The following PHIP variants were observed in gnomAD, a reference collection of about 807,000 sequenced individuals.
PHIP encodes the protein PH-interacting protein.
PHIP carries 54 observed loss-of-function variants against 236.8 expected under a neutral mutation model. That is an observed-to-expected ratio of 0.23 (90% CI 0.18 to 0.29). PHIP has a LOEUF of 0.29. PHIP is among the 10% of genes least tolerant of loss of function. PHIP has a pLI of 1.00. For missense variants in PHIP, 1,370 were observed against 2,190.8 expected, an observed-to-expected ratio of 0.63 and a Z score of 7.48; for synonymous variants, 756 against 718.9, an observed-to-expected ratio of 1.05 and a Z score of -0.83.
At chr6:79,043,428 C>A (rs1772323210) in intron 6 of PHIP, among the ~76,000 whole-genome samples, 1 of 152,106 alleles carries the variant, frequency 6.6e-6, no homozygotes, top group Admixed American at 6.6e-5. Context: ...ATCAGTAACA[C>A]TTGAACACTC....
At chr6:79,072,714 T>C (rs1284524809) in intron 4 of PHIP, among the ~76,000 whole-genome samples, 1 of 152,056 alleles carries the variant, frequency 6.6e-6, no homozygotes, top group African/African-American at 2.4e-5. Context: ...CTCCAACTCA[T>C]GGCCTCCCAA....
At chr6:79,004,831 G>A (rs1770196598) in intron 15 of PHIP, among the ~76,000 whole-genome samples, 1 of 151,942 alleles carries the variant, frequency 6.6e-6, no homozygotes, top group Non-Finnish European at 1.5e-5. Context: ...TTAAAAATGT[G>A]GCATAAGGAT....
chr6:78,991,268 T>G (rs1268471021), intron 19 of PHIP, among the ~76,000 whole-genome samples: 11 of 152,052 alleles, frequency 7.2e-5, no homozygotes, highest in Admixed American at 7.2e-4. Context: ...GGGAATGTGG[T>G]GATTCCTAGG....
At chr6:78,997,158 A>G (rs1769677135) in intron 19 of PHIP, among the ~76,000 whole-genome samples, 1 of 151,726 alleles carries the variant, frequency 6.6e-6, no homozygotes, top group Non-Finnish European at 1.5e-5. Context: ...ACTCAATAAA[A>G]CCTCCTATTT....
At chr6:79,000,895 C>CA (rs894296206) in intron 17 of PHIP, among the ~76,000 whole-genome samples, 2 of 152,216 alleles carry the variant, frequency 1.3e-5, no homozygotes, top group African/African-American at 4.8e-5. Context: ...TCTCACCCTC[C>CA]ATTCTAAGTG....
intron 6 of PHIP, among the ~76,000 whole-genome samples, chr6:79,055,960 C>G (rs1391528020): frequency 6.6e-6 from 1 of 152,180 alleles, no homozygotes; most frequent in Non-Finnish European, 1.5e-5. Flanking sequence ...TACCAACCTT[C>G]ATTCCATTTT....
chr6:78,950,421 G>T (rs1379140775), intron 35 of PHIP, among the ~76,000 whole-genome samples: 1 of 152,172 alleles, frequency 6.6e-6, no homozygotes, highest in South Asian at 2.1e-4. Context: ...TGTAGAATTT[G>T]TGTTAATTCT....
chr6:78,945,214 A>G, intron 39 of PHIP, 86 bp downstream of exon 39: 1 of 1,011,600 alleles, frequency 9.9e-7, no homozygotes, highest in East Asian at 2.4e-5. Context: ...GGCAACCTGA[A>G]AAGTGGATAT....
chr6:79,007,797 A>T (rs894145291), intron 15 of PHIP, among the ~76,000 whole-genome samples: 1 of 152,026 alleles, frequency 6.6e-6, no homozygotes, highest in African/African-American at 2.4e-5. Context: ...TATACCAAGA[A>T]TGAAAAGAGG....
intron 9 of PHIP, 130 bp downstream of exon 9, chr6:79,025,389 A>G: frequency 1.7e-6 from 1 of 588,114 alleles, no homozygotes; most frequent in Admixed American, 3.2e-5. Context: ...GTAAAGAGCC[A>G]AAAGAGGATT....
intron 35 of PHIP, among the ~76,000 whole-genome samples, chr6:78,954,592 C>A (rs958417214): frequency 2.6e-5 from 4 of 151,978 alleles, no homozygotes; most frequent in African/African-American, 7.3e-5. Context: ...CTAGTAGGAA[C>A]AGAATAACCC....
chr6:78,950,936 T>C (rs890372810), intron 35 of PHIP, among the ~76,000 whole-genome samples: 9 of 152,138 alleles, frequency 5.9e-5, no homozygotes, highest in Non-Finnish European at 1.2e-4. Context: ...GCTTCGATTA[T>C]TGATTTGAAA....
intron 30 of PHIP, among the ~76,000 whole-genome samples, chr6:78,962,386 C>T (rs1438405787): frequency 6.6e-6 from 1 of 152,086 alleles, no homozygotes; most frequent in Admixed American, 6.6e-5. Context: ...TACTTAATAT[C>T]CTAAAATATT....
chr6:79,058,043 T>C (rs912339631), intron 6 of PHIP, among the ~76,000 whole-genome samples: 2 of 152,056 alleles, frequency 1.3e-5, no homozygotes, highest in African/African-American at 4.8e-5. Flanking sequence ...TTTTTAAAAG[T>C]AGGCAAAATG....
chr6:79,030,183 G>T (rs1339079422), intron 7 of PHIP, among the ~76,000 whole-genome samples: 1 of 152,156 alleles, frequency 6.6e-6, no homozygotes, highest in Non-Finnish European at 1.5e-5. Flanking sequence ...AAGTGAGAGG[G>T]AGAGAACAAC....
intron 35 of PHIP, among the ~76,000 whole-genome samples, chr6:78,952,225 C>T (rs1327619481): frequency 6.6e-6 from 1 of 151,972 alleles, no homozygotes; most frequent in Non-Finnish European, 1.5e-5. Flanking sequence ...TTGAGACCAT[C>T]CTGGCCAACA....
In PHIP at chr6:78,936,019, G is replaced by C. The variant is rs1460706863; in HGVS notation, c.*4674C>G. 6.6e-6 allele frequency: 1 copy of C among 152,044 alleles called. No individual in the cohort carries two copies. Among genetic ancestry groups the C allele is most frequent in the African/African-American group, 2.4e-5 (1 of 41,420 alleles). 9.4% of individuals were successfully genotyped at this position (152,044 alleles called of 1,614,324 possible). On this transcript the variant is annotated 3_prime_UTR_variant, in exon 40 of 40. Transcript: ENST00000275034. ...TAACATAGAAAGTGTCCACGTAACA[G>C]TAAAGAAAGGTCCAATCAGTATGTA...
chr6:79,063,055 T>G (rs1412020081), intron 4 of PHIP, among the ~76,000 whole-genome samples: 1 of 152,210 alleles, frequency 6.6e-6, no homozygotes, highest in Non-Finnish European at 1.5e-5. Flanking sequence ...TTTAAGAATC[T>G]AATGACAGCT....
chr6:79,043,466 A>G (rs1772325552), intron 6 of PHIP, among the ~76,000 whole-genome samples: 1 of 152,154 alleles, frequency 6.6e-6, no homozygotes, highest in South Asian at 2.1e-4. Context: ...ATGATATTTA[A>G]AAACATCTTT....
Sources: gnomAD v4.1 joint callset for allele counts (sites outside exome capture counted in the v4.1 genomes callset) on GRCh38, gnomAD v4.1.1 for gene constraint, MANE v1.5 for transcripts, NCBI Gene and HGNC (gene_info 2026-07-23, HGNC 2026-07-21) for gene names.